METTL25: variants seen among roughly 807,000 people sequenced by gnomAD.
METTL25 encodes the protein methyltransferase like 25.
In METTL25, 64 loss-of-function variants were observed where a neutral mutation model predicts 71.6. That is an observed-to-expected ratio of 0.89 (90% CI 0.73 to 1.10). The LOEUF is 1.10. Among genes scored for constraint, METTL25 ranks in the 50% least tolerant of loss-of-function variants. The pLI is 0.00. For missense variants in METTL25, 807 were observed against 707.0 expected (o/e 1.14, Z -1.60); for synonymous variants, 287 against 250.3 (o/e 1.15, Z -1.38).
In METTL25 at chr12:82,398,813, G is replaced by C. The variant is rs759475773; in HGVS notation, c.550G>C (p.Gly184Arg). The C allele has an allele frequency of 3.2e-6, 5 of 1,539,218 alleles. No individual in the cohort carries two copies. Among genetic ancestry groups the C allele is most frequent in the Non-Finnish European group, 4.3e-6 (5 of 1,152,094 alleles). ...GIKQVIDLGS[G>R]KGYLSSFLSL... ...ATCTTAGGTGATTGACTTGGGTTCC[G>C]GTAAAGGCTACCTAAGCTCTTTTTT... The change falls in exon 4 of 12, where the codon GGT becomes CGT. Residue 184 changes from glycine (G) to arginine (R), a missense_variant. Physicochemically the swap from Gly to Arg is moderately radical, Grantham distance 125. Transcript: ENST00000248306.
At position 82,366,674 on chromosome 12, in the gene METTL25, C is replaced by T. The variant is rs532859555; in HGVS notation, c.259+7850C>T. ...TAGTAATTCGAATGCATTGAAATTG[C>T]GCTCATATTTAATTTGAAACACATG... On this transcript the variant is annotated intron_variant, in intron 1 of 11. Coordinates refer to ENST00000248306, the MANE Select transcript of METTL25 (RefSeq NM_032230.3). Among the ~76,000 whole-genome samples, 21 of 151,798 alleles carry T rather than the reference C, an allele frequency of 1.4e-4. No individual in the cohort carries two copies. The South Asian group carries it at 3.7e-3, about 27-fold the overall frequency.
intron 10 of METTL25, 74 bp downstream of exon 10, chr12:82,476,792 TG>T (rs1459950282): frequency 7.7e-6 from 7 of 907,456 alleles, no homozygotes; most frequent in Non-Finnish European, 1.2e-5. Flanking sequence ...AATTTTATTA[TG>T]GGCTAAGCAA....
At chr12:82,410,739 G>GTGAT (rs993314496) in intron 5 of METTL25, among the ~76,000 whole-genome samples, 26 of 152,170 alleles carry the variant, frequency 1.7e-4, no homozygotes, top group African/African-American at 5.5e-4. Flanking sequence ...GAGCCATAAA[G>GTGAT]TGATAGATAG....
At chr12:82,442,307 G>C (rs147367832) in intron 8 of METTL25, among the ~76,000 whole-genome samples, 182 of 152,126 alleles carry the variant, frequency 1.2e-3, no homozygotes, top group African/African-American at 4.3e-3. Flanking sequence ...TTTATTCCTG[G>C]TCACCCAAAC....
At chr12:82,360,050 T>C (rs1881623078) in intron 1 of METTL25, among the ~76,000 whole-genome samples, 1 of 152,236 alleles carries the variant, frequency 6.6e-6, no homozygotes, top group African/African-American at 2.4e-5. Context: ...TCAACTGATG[T>C]ATTCCCAGCA....
At chr12:82,431,405 C>T (rs1029274626) in intron 6 of METTL25, among the ~76,000 whole-genome samples, 4 of 151,370 alleles carry the variant, frequency 2.6e-5, no homozygotes, top group African/African-American at 9.7e-5. Flanking sequence ...ACACTCTAGC[C>T]CATAATGTTC....
intron 5 of METTL25, among the ~76,000 whole-genome samples, chr12:82,415,145 T>C (rs1239261212): frequency 6.6e-6 from 1 of 152,106 alleles, no homozygotes; most frequent in African/African-American, 2.4e-5. Flanking sequence ...TGTATAGTCA[T>C]GCATAAAAAT....
At chr12:82,453,947 C>G (rs1218222391) in intron 8 of METTL25, among the ~76,000 whole-genome samples, 1 of 152,044 alleles carries the variant, frequency 6.6e-6, no homozygotes, top group Non-Finnish European at 1.5e-5. Context: ...TATTTTTATG[C>G]TTCACACCTC....
intron 1 of METTL25, among the ~76,000 whole-genome samples, chr12:82,380,873 C>A (rs1884374836): frequency 6.6e-6 from 1 of 152,050 alleles, no homozygotes; most frequent in African/African-American, 2.4e-5. Context: ...AAGTTTTCAC[C>A]GAAATGGTAA....
chr12:82,410,625 A>G (rs1002258201), intron 5 of METTL25, among the ~76,000 whole-genome samples: 1 of 152,088 alleles, frequency 6.6e-6, no homozygotes, highest in Non-Finnish European at 1.5e-5. Flanking sequence ...TCCACACAAA[A>G]TAAGGGAAAT....
intron 5 of METTL25, among the ~76,000 whole-genome samples, chr12:82,407,621 G>C (rs958176694): frequency 1.3e-5 from 2 of 152,098 alleles, no homozygotes; most frequent in African/African-American, 4.8e-5. Context: ...TGGGAGTTTT[G>C]CTTGTCAGGA....
At chr12:82,465,914 A>T (rs1362876017) in intron 9 of METTL25, among the ~76,000 whole-genome samples, 1 of 148,166 alleles carries the variant, frequency 6.7e-6, no homozygotes, top group Non-Finnish European at 1.5e-5. Flanking sequence ...GTTTCTAATG[A>T]GTCTTTATAT....
chr12:82,417,929 A>C (rs1341089853), intron 5 of METTL25, among the ~76,000 whole-genome samples: 1 of 152,114 alleles, frequency 6.6e-6, no homozygotes, highest in African/African-American at 2.4e-5. Flanking sequence ...GACAGAGGGA[A>C]CAGCAAGTAA....
intron 3 of METTL25, among the ~76,000 whole-genome samples, chr12:82,394,047 CT>C (rs2136979064): frequency 6.6e-6 from 1 of 151,922 alleles, no homozygotes; most frequent in East Asian, 1.9e-4. Context: ...TTTTTATACT[CT>C]TCAGAGTTTC....
At chr12:82,437,719 C>T (rs1890021723) in intron 7 of METTL25, among the ~76,000 whole-genome samples, 1 of 151,740 alleles carries the variant, frequency 6.6e-6, no homozygotes, top group Non-Finnish European at 1.5e-5. Context: ...CATGGATATA[C>T]ACGTTTTACT....
At chr12:82,391,847 C>T (rs1426195785) in intron 3 of METTL25, among the ~76,000 whole-genome samples, 1 of 151,286 alleles carries the variant, frequency 6.6e-6, no homozygotes, top group Non-Finnish European at 1.5e-5. Flanking sequence ...ATTTACATTC[C>T]CACCAACAGT....
At chr12:82,365,039 TAAA>T (rs1882403621) in intron 1 of METTL25, among the ~76,000 whole-genome samples, 2 of 152,314 alleles carry the variant, frequency 1.3e-5, no homozygotes, top group South Asian at 4.1e-4. Flanking sequence ...AATTGGCAAA[TAAA>T]AATTATGTAT....
intron 1 of METTL25, among the ~76,000 whole-genome samples, chr12:82,379,342 T>C (rs1485724511): frequency 6.6e-6 from 1 of 152,242 alleles, no homozygotes; most frequent in Non-Finnish European, 1.5e-5. Flanking sequence ...TAGTATACTT[T>C]ACATCACTTT....
intron 1 of METTL25, among the ~76,000 whole-genome samples, chr12:82,364,857 A>G (rs1027555025): frequency 1.3e-5 from 2 of 152,168 alleles, no homozygotes; most frequent in African/African-American, 2.4e-5. Context: ...AATAAATAAC[A>G]TACTATTGTT....
Sources: allele counts gnomAD v4.1 joint callset (sites outside exome capture counted in the v4.1 genomes callset), GRCh38; gene constraint gnomAD v4.1.1; transcripts MANE v1.5; gene names NCBI Gene and HGNC (gene_info 2026-07-23, HGNC 2026-07-21).